The following ACAD10 variants were observed in gnomAD, a reference collection of about 807,000 sequenced individuals.
ACAD10 encodes ACAD-10.
ACAD10 carries 112 observed loss-of-function variants against 116.8 expected under a neutral mutation model. The observed-to-expected ratio is 0.96, with a 90% confidence interval of 0.82 to 1.12. The LOEUF is 1.12. ACAD10 is among the 50% of genes most tolerant of loss of function. The pLI is 0.00. For synonymous variants in ACAD10, 486 were observed against 510.6 expected (o/e 0.95, Z 0.65); for missense variants, 1,259 against 1,350.2 (o/e 0.93, Z 1.06).
At position 111,744,862 on chromosome 12, in the gene ACAD10, C is replaced by G; in HGVS notation, c.1934C>G (p.Ala645Gly). The change falls in exon 13 of 21, where the codon GCT (alanine) becomes GGT (glycine). Residue 645 changes from alanine to glycine, a missense_variant. Coordinates refer to ENST00000313698, the MANE Select transcript of ACAD10 (RefSeq NM_025247.6). Reference sequence around the variant, plus strand: ...AGCTCCGTTCCAGAAGCTTCCCCAGCTCATACCTCAAGGGGAGGTCTGGTT... The same window carrying G: ...AGCTCCGTTCCAGAAGCTTCCCCAGGTCATACCTCAAGGGGAGGTCTGGTT... ...SYSSVPEASP[A>G]HTSRGGLVIS... The G allele has an allele frequency of 1.2e-6, 2 of 1,614,218 alleles. No homozygotes were observed. Among genetic ancestry groups the G allele is most frequent in the South Asian group, 2.2e-5 (2 of 91,088 alleles).
chr12:111,709,727 A>G (rs1888616741), intron 5 of ACAD10, 43 bp downstream of exon 5: 1 of 1,538,060 alleles, frequency 6.5e-7, no homozygotes, highest in African/African-American at 1.4e-5. Context: ...TGCACCAGCC[A>G]CTAATGCAAT....
In ACAD10 at chr12:111,702,378, T is replaced by C. The variant is rs934471361; in HGVS notation, c.336+68T>C. ...CCTTGAGTAGTGGTTGCAACATTCA[T>C]GTATAAGTTAGTTAAACTGAAAATA... On this transcript the variant is annotated intron_variant, in intron 3 of 20. Transcript: ENST00000313698. 7 of 1,553,682 alleles carry C rather than the reference T, an allele frequency of 4.5e-6. No homozygotes were observed. In the African/African-American group the frequency reaches 5.5e-5, roughly 12 times the overall value.
At chr12:111,730,745 T>C (rs1383435954) in intron 10 of ACAD10, among the ~76,000 whole-genome samples, 2 of 151,628 alleles carry the variant, frequency 1.3e-5, no homozygotes, top group Non-Finnish European at 2.9e-5. Context: ...TTTAAAGACA[T>C]TTCCGTTTCT....
At position 111,734,027 on chromosome 12, in the gene ACAD10, G is replaced by A; in HGVS notation, c.1499G>A (p.Cys500Tyr). 2 of 1,614,202 alleles carry A rather than the reference G, an allele frequency of 1.2e-6. No individual in the cohort carries two copies. The highest frequency in any genetic ancestry group is 1.7e-6 in the Non-Finnish European group (2 of 1,180,040). ...CCCCTTGCTGATGTGGCCTACAGCT[G>A]CCTGGCTCATTACCTGCCATCCAGT... Reference protein sequence around the residue: ...GDPLADVAYSCLAHYLPSSFP... With the variant: ...GDPLADVAYSYLAHYLPSSFP... The change falls in exon 11 of 21, where the codon TGC (cysteine) becomes TAC (tyrosine). Residue 500 changes from cysteine to tyrosine, a missense_variant. Coordinates refer to ENST00000313698, the MANE Select transcript of ACAD10 (RefSeq NM_025247.6).
At chr12:111,755,922 T>G in intron 20 of ACAD10, 177 bp downstream of exon 20, 1 of 737,000 alleles carries the variant, frequency 1.4e-6, no homozygotes, top group African/African-American at 1.7e-5. Context: ...GGAGGTGCCA[T>G]CGTACCCCCA....
chr12:111,704,107 G>A (rs955867648), intron 3 of ACAD10, among the ~76,000 whole-genome samples: 5 of 151,536 alleles, frequency 3.3e-5, no homozygotes, highest in Non-Finnish European at 5.9e-5. Context: ...GGGGAAATGA[G>A]GAGTGACTGT....
intron 7 of ACAD10, among the ~76,000 whole-genome samples, chr12:111,717,155 G>A (rs1471977047): frequency 4.6e-5 from 7 of 151,884 alleles, no homozygotes; most frequent in Non-Finnish European, 7.4e-5. Context: ...TCAGGCGTTC[G>A]AGCCCAGCCT....
At chr12:111,745,744 G>A (rs1234032775) in intron 13 of ACAD10, 1 of 156,118 alleles carries the variant, frequency 6.4e-6, no homozygotes, top group Non-Finnish European at 1.4e-5. Context: ...TCACCATGTT[G>A]TTCAGGCTGG....
chr12:111,691,460 A>G (rs1428946377), intron 1 of ACAD10, among the ~76,000 whole-genome samples: 1 of 152,150 alleles, frequency 6.6e-6, no homozygotes, highest in African/African-American at 2.4e-5. Context: ...ACTGTTTGGA[A>G]TTAGCCAGGC....
At position 111,722,403 on chromosome 12, in the gene ACAD10, T is replaced by A. The variant is rs9788156; in HGVS notation, c.1061+664T>A. 0.013 allele frequency among the ~76,000 whole-genome samples: 1,798 copies of A among 135,024 alleles called. 114 individuals carry two copies. In the South Asian group the frequency reaches 0.18, roughly 13 times the overall value. The allele number at this position is 135,024 out of a possible 152,430, so 88.6% of individuals were successfully genotyped here. ...TATTTATTTATTTATTTATTTATTTTTTATTGATAATTCTTGGGTGTTTCT... is the reference window on the plus strand; with the variant it reads ...TATTTATTTATTTATTTATTTATTTATTATTGATAATTCTTGGGTGTTTCT... On this transcript the variant is annotated intron_variant, in intron 8 of 20. Coordinates refer to ENST00000313698, the MANE Select transcript of ACAD10 (RefSeq NM_025247.6).
chr12:111,729,312 A>T (rs566670287), intron 9 of ACAD10, among the ~76,000 whole-genome samples: 1 of 152,248 alleles, frequency 6.6e-6, no homozygotes, highest in South Asian at 2.1e-4. Flanking sequence ...ATCTCGGCTC[A>T]CTTCAACCTC....
intron 8 of ACAD10, among the ~76,000 whole-genome samples, chr12:111,725,467 T>C (rs918721383): frequency 6.6e-6 from 1 of 151,702 alleles, no homozygotes; most frequent in African/African-American, 2.4e-5. Flanking sequence ...TGAGCTGTGA[T>C]CACATCACTG....
intron 1 of ACAD10, among the ~76,000 whole-genome samples, chr12:111,686,877 C>G (rs1887878057): frequency 6.6e-6 from 1 of 152,170 alleles, no homozygotes; most frequent in South Asian, 2.1e-4. Flanking sequence ...AAACACAGTT[C>G]CTGTCCGTAC....
intron 8 of ACAD10, 93 bp downstream of exon 8, chr12:111,721,832 A>G: frequency 8.9e-7 from 1 of 1,117,450 alleles, no homozygotes; most frequent in Non-Finnish European, 1.3e-6. Context: ...AAAGACAAAT[A>G]AAATTTGGGT....
intron 4 of ACAD10, among the ~76,000 whole-genome samples, chr12:111,707,161 C>T (rs1888536210): frequency 6.6e-6 from 1 of 151,464 alleles, no homozygotes; most frequent in African/African-American, 2.4e-5. Context: ...GCAATCTCAG[C>T]TCATTGCATC....
chr12:111,742,404 C>T (rs530367401), intron 12 of ACAD10, among the ~76,000 whole-genome samples: 1 of 152,298 alleles, frequency 6.6e-6, no homozygotes, highest in African/African-American at 2.4e-5. Flanking sequence ...TGACTGACTT[C>T]CCTGGGTTAG....
chr12:111,688,167 C>G (rs535153002), intron 1 of ACAD10: 4 of 152,102 alleles, frequency 2.6e-5, no homozygotes, highest in African/African-American at 9.7e-5. Flanking sequence ...GCCCGGCCCC[C>G]CCAAAGGCAT....
chr12:111,687,369 A>G (rs1257624443), intron 1 of ACAD10, among the ~76,000 whole-genome samples: 1 of 152,060 alleles, frequency 6.6e-6, no homozygotes, highest in Non-Finnish European at 1.5e-5. Flanking sequence ...GTTTTTGGCA[A>G]GGGGGCGGGG....
intron 11 of ACAD10, 137 bp downstream of exon 11, chr12:111,734,205 C>A: frequency 8.1e-7 from 1 of 1,238,366 alleles, no homozygotes; most frequent in Non-Finnish European, 1.1e-6. Context: ...GGAAACATAA[C>A]TAGAATGCAG....
Sources: gnomAD v4.1 joint callset for allele counts (sites outside exome capture counted in the v4.1 genomes callset) on GRCh38, gnomAD v4.1.1 for gene constraint, MANE v1.5 for transcripts, NCBI Gene and HGNC (gene_info 2026-07-23, HGNC 2026-07-21) for gene names.